The following NAP1L4 variants were observed in gnomAD, a reference collection of about 807,000 sequenced individuals.
NAP1L4 encodes nucleosome assembly protein 1-like 4.
In NAP1L4, 15 loss-of-function variants were observed where a neutral mutation model predicts 58.2. The ratio of observed to expected loss-of-function variants is 0.26; its 90% CI spans 0.17 to 0.40. NAP1L4 has a LOEUF of 0.40. Among genes scored for constraint, NAP1L4 ranks in the 10% least tolerant of loss-of-function variants. NAP1L4 has a pLI of 1.00. For missense variants in NAP1L4, 384 were observed against 451.1 expected, an observed-to-expected ratio of 0.85 and a Z score of 1.35; for synonymous variants, 171 against 155.6, an observed-to-expected ratio of 1.10 and a Z score of -0.74.
Position 2,951,365 on chromosome 11 carries a change from G to T in NAP1L4, c.1066-50C>A. On this transcript the variant is annotated intron_variant, in intron 13 of 15. Transcript: ENST00000380542. The surrounding 1 kb of genome is among the most constrained non-coding windows in gnomAD (Gnocchi z 4.0). ...CTGGAATGACAAGATTTAAACTCTT[G>T]TGGCATTCACAATCCACAAACACAA... 1 of 1,529,352 alleles carries T rather than the reference G, an allele frequency of 6.5e-7. No individual in the cohort carries two copies. The highest frequency in any genetic ancestry group is 9.1e-7 in the Non-Finnish European group (1 of 1,103,608). 94.7% of individuals were successfully genotyped at this position (1,529,352 alleles called of 1,614,324 possible).
chr11:2,950,931 A>G lies in NAP1L4; in HGVS notation c.1122+328T>C, dbSNP rs538512206. 2.4e-4 allele frequency: 63 copies of G among 259,360 alleles called. 1 individual carries two copies. Among genetic ancestry groups the G allele is most frequent in the Non-Finnish European group, 3.9e-4 (54 of 138,288 alleles). The allele number at this position is 259,360 out of a possible 1,614,324, so 16.1% of individuals were successfully genotyped here. On this transcript the variant is annotated intron_variant, in intron 14 of 15. Coordinates refer to ENST00000380542, the MANE Select transcript of NAP1L4 (RefSeq NM_005969.4). The stretch of plus-strand genomic sequence containing the variant: ...CACCTTTTCCAAACACGCACAAAGA[A>G]AAGTTTATTTATGTTGTCAGTTAAA...
At chr11:2,953,392 G>A (rs1846347287) in intron 12 of NAP1L4, among the ~76,000 whole-genome samples, 2 of 152,204 alleles carry the variant, frequency 1.3e-5, no homozygotes. Context: ...TTTAAACTAA[G>A]GTAAATGAAA....
At chr11:2,989,696 A>G (rs1422818469) in intron 1 of NAP1L4, among the ~76,000 whole-genome samples, 2 of 152,242 alleles carry the variant, frequency 1.3e-5, no homozygotes, top group South Asian at 4.1e-4. Flanking sequence ...GCGAATAGCT[A>G]ACAAAGGGAA....
rs1847667208 is a variant in NAP1L4, at chr11:2,972,040, C to T, written c.315+62G>A. On this transcript the variant is annotated intron_variant, in intron 5 of 15. Transcript: ENST00000380542. ...TGTTGTCAACTTATAATGGGTTTAT[C>T]GGAACCTAACACCTTCGTAAGCTGA... 10 of 1,439,010 alleles carry T rather than the reference C, an allele frequency of 6.9e-6. No individual in the cohort carries two copies. The East Asian group carries it at 1.3e-4, about 18-fold the overall frequency. The allele number at this position is 1,439,010 out of a possible 1,614,324, so 89.1% of individuals were successfully genotyped here. A position where few individuals can be genotyped will look rare whatever the true frequency, so the allele number is the denominator to read the frequency against.
rs1316841494 is a variant in NAP1L4 at position 2,951,978 on chromosome 11, C to T, written c.1036-169G>A. ...TGAGGAGCCATTTGCTTGTGTGCAG[C>T]GCATTTTAAAAGCATGCCAGGAAAT... On this transcript the variant is annotated intron_variant, in intron 12 of 15. Coordinates refer to ENST00000380542, the MANE Select transcript of NAP1L4 (RefSeq NM_005969.4). The surrounding 1 kb of genome is among the most constrained non-coding windows in gnomAD (Gnocchi z 4.0). 1.1e-5 allele frequency: 7 copies of T among 663,694 alleles called. No homozygotes were observed. The highest frequency in any genetic ancestry group is 2.9e-4 in the Middle Eastern group (1 of 3,394). The allele number at this position is 663,694 out of a possible 1,614,324, so 41.1% of individuals were successfully genotyped here.
chr11:2,990,475 A>G (rs1440016120), intron 1 of NAP1L4: 1 of 152,184 alleles, frequency 6.6e-6, no homozygotes, highest in Non-Finnish European at 1.5e-5. Context: ...TGCTCATCCC[A>G]GTCTGAATCT....
chr11:2,979,641 G>A (rs1020585977), intron 1 of NAP1L4, among the ~76,000 whole-genome samples: 62 of 151,972 alleles, frequency 4.1e-4, no homozygotes, highest in African/African-American at 1.4e-3. Flanking sequence ...GCGTGGTGGT[G>A]CACGCCTGTA....
intron 6 of NAP1L4, 23 bp from the exon 7 acceptor site, chr11:2,969,957 G>T (rs753044754): frequency 5.6e-6 from 9 of 1,598,644 alleles, no homozygotes; most frequent in Non-Finnish European, 6.8e-6. Flanking sequence ...TGCAACATAG[G>T]TAACGAAAAT....
rs180684732 is a variant in NAP1L4 at position 2,988,277 on chromosome 11, T to G, written c.-18+3977A>C. 3.3e-5 allele frequency among the ~76,000 whole-genome samples: 5 copies of G among 152,362 alleles called. No individual in the cohort carries two copies. In the East Asian group the frequency reaches 9.6e-4, roughly 29 times the overall value. ...TCATTAGCATACGACTCAATGAGGCTAACTTCTTAATCCAGTACATATTAA... is the reference window on the plus strand; with the variant it reads ...TCATTAGCATACGACTCAATGAGGCGAACTTCTTAATCCAGTACATATTAA... On this transcript the variant is annotated intron_variant, in intron 1 of 15. Transcript: ENST00000380542.
intron 14 of NAP1L4, among the ~76,000 whole-genome samples, chr11:2,950,621 T>C (rs1846177473): frequency 6.6e-6 from 1 of 152,252 alleles, no homozygotes; most frequent in South Asian, 2.1e-4. Context: ...TTTAAGCACT[T>C]CTGATTTTAA....
intron 1 of NAP1L4, chr11:2,983,651 AAAG>A: frequency 6.6e-6 from 1 of 152,300 alleles, no homozygotes; most frequent in East Asian, 1.9e-4. Flanking sequence ...ACACAATAAA[AAAG>A]AAAATAATTT....
chr11:2,955,656 A>T lies in NAP1L4; in HGVS notation c.915+88T>A. On this transcript the variant is annotated intron_variant, in intron 11 of 15. Coordinates refer to ENST00000380542, the MANE Select transcript of NAP1L4 (RefSeq NM_005969.4). The surrounding 1 kb of genome is among the most constrained non-coding windows in gnomAD (Gnocchi z 4.2). ...CATACCCAGTCCACACACAGCCAGG[A>T]CTGGACTTTTTTTAACAAGTAGACA... is the stretch of plus-strand genomic sequence containing the variant. 7.4e-7 allele frequency: 1 copy of T among 1,350,688 alleles called. No homozygotes were observed. Among genetic ancestry groups the T allele is most frequent in the Non-Finnish European group, 1.0e-6 (1 of 952,740 alleles). 83.7% of individuals were successfully genotyped at this position (1,350,688 alleles called of 1,614,324 possible). A position where few individuals can be genotyped will look rare whatever the true frequency, so the allele number is the denominator to read the frequency against.
chr11:2,970,548 G>GA (rs1478646831), intron 6 of NAP1L4, among the ~76,000 whole-genome samples: 1 of 152,150 alleles, frequency 6.6e-6, no homozygotes, highest in African/African-American at 2.4e-5. Flanking sequence ...AAAGTGACCA[G>GA]AAAGGCCACA....
chr11:2,975,327 T>C (rs549971193), intron 4 of NAP1L4, among the ~76,000 whole-genome samples: 1 of 152,054 alleles, frequency 6.6e-6, no homozygotes, highest in South Asian at 2.1e-4. Flanking sequence ...AAACCAAAAA[T>C]TCCTTCCAGA....
At chr11:2,947,088 C>T (rs1483019395) in intron 15 of NAP1L4, among the ~76,000 whole-genome samples, 1 of 152,188 alleles carries the variant, frequency 6.6e-6, no homozygotes, top group African/African-American at 2.4e-5. Flanking sequence ...TATGTCATGT[C>T]ATACACAGGA....
chr11:2,962,351 G>A (rs1846975076), intron 8 of NAP1L4, among the ~76,000 whole-genome samples: 1 of 152,220 alleles, frequency 6.6e-6, no homozygotes, highest in Non-Finnish European at 1.5e-5. Context: ...TGTGGCAGCA[G>A]GGTGACACTG....
At chr11:2,958,925 C>T (rs888136632) in intron 9 of NAP1L4, 4 of 224,814 alleles carry the variant, frequency 1.8e-5, no homozygotes, top group East Asian at 1.1e-4. Flanking sequence ...CAACTGAGCA[C>T]GACAAGCTGA....
rs574872983 is a variant in NAP1L4, at chr11:2,945,577, A to T, written c.*102T>A. The T allele has an allele frequency of 2.0e-6, 3 of 1,534,680 alleles. No individual in the cohort carries two copies. The East Asian group carries it at 7.3e-5, about 38-fold the overall frequency. ...CCGCCCACAGGCCTGGAGTCCCGACAGCCGGTCTGCCAGGCACCCGCCTCC... is the reference window on the plus strand; with the variant it reads ...CCGCCCACAGGCCTGGAGTCCCGACTGCCGGTCTGCCAGGCACCCGCCTCC... On this transcript the variant is annotated 3_prime_UTR_variant, in exon 16 of 16. Transcript: ENST00000380542.
At chr11:2,988,843 T>C (rs1336059396) in intron 1 of NAP1L4, among the ~76,000 whole-genome samples, 4 of 152,240 alleles carry the variant, frequency 2.6e-5, no homozygotes, top group African/African-American at 7.2e-5. Context: ...TGATCTTTCG[T>C]TGTTTTCATA....
Sources: gnomAD v4.1 joint callset for allele counts (sites outside exome capture counted in the v4.1 genomes callset) on GRCh38, gnomAD v4.1.1 for gene constraint, Gnocchi (gnomAD v3.1) non-coding constraint, MANE v1.5 for transcripts, NCBI Gene and HGNC (gene_info 2026-07-23, HGNC 2026-07-21) for gene names.